The following NRG3 variants were observed in gnomAD, a reference collection of about 807,000 sequenced individuals.
NRG3 encodes the protein pro-neuregulin-3, membrane-bound isoform.
A neutral mutation model predicts 66.9 loss-of-function variants in NRG3; 31 were observed. That is an observed-to-expected ratio of 0.46 (90% confidence interval 0.35 to 0.63). The LOEUF (loss-of-function observed/expected upper bound fraction) is 0.63, where lower values mean the gene tolerates loss of function less well. NRG3 is among the 20% of genes least tolerant of loss of function. The pLI is 0.00. For synonymous variants in NRG3, 393 were observed against 359.4 expected (o/e 1.09, Z -1.06); for missense variants, 910 against 878.9 (o/e 1.04, Z -0.45).
At chr10:82,027,485 G>A (rs192273708) in intron 1 of NRG3, among the ~76,000 whole-genome samples, 93 of 152,080 alleles carry the variant, frequency 6.1e-4, no homozygotes, top group African/African-American at 9.2e-4. Flanking sequence ...AACTGAACTC[G>A]TCTTCAAAAA....
chr10:82,325,194 T>G (rs758315413), intron 1 of NRG3, among the ~76,000 whole-genome samples: 1 of 152,120 alleles, frequency 6.6e-6, no homozygotes, highest in Non-Finnish European at 1.5e-5. Context: ...CTTCCTTTTT[T>G]TTTTGGAGAC....
At chr10:81,895,386 A>T (rs1843422372) in intron 1 of NRG3, among the ~76,000 whole-genome samples, 1 of 152,156 alleles carries the variant, frequency 6.6e-6, no homozygotes, top group South Asian at 2.1e-4. Flanking sequence ...GCATACTCAG[A>T]TTATTGATCC....
chr10:82,571,463 C>T lies in NRG3; in HGVS notation c.954-167114C>T, dbSNP rs533554588. On this transcript the variant is annotated intron_variant, in intron 2 of 8. Transcript: ENST00000372141. ...TCACTATTTGGAGTGAAAAGTAGTA[C>T]AAAAATTTGGTGAATACATCAACAA... Among the ~76,000 whole-genome samples the T allele has an allele frequency of 5.9e-5, 9 of 151,562 alleles. No individual in the cohort carries two copies. The South Asian group carries it at 1.9e-3, about 31-fold the overall frequency.
intron 1 of NRG3, among the ~76,000 whole-genome samples, chr10:82,259,444 A>T (rs553517389): frequency 1.7e-4 from 26 of 152,276 alleles, no homozygotes; most frequent in African/African-American, 6.0e-4. Flanking sequence ...CCTTGAATTC[A>T]GGATGTTTAT....
At chr10:82,202,173 T>C (rs2074864928) in intron 1 of NRG3, among the ~76,000 whole-genome samples, 2 of 152,170 alleles carry the variant, frequency 1.3e-5, no homozygotes, top group South Asian at 4.1e-4. Flanking sequence ...TTCTGTCTCC[T>C]CCCAGAGCCA....
At chr10:82,949,257 T>G (rs1398637184) in intron 4 of NRG3, among the ~76,000 whole-genome samples, 1 of 152,120 alleles carries the variant, frequency 6.6e-6, no homozygotes. Context: ...ACTATACTTT[T>G]TATATATTGT....
In NRG3 at chr10:81,875,545, G is replaced by A. The variant is rs1380925534; in HGVS notation, c.205G>A (p.Val69Met). The A allele has an allele frequency of 1.9e-6, 3 of 1,612,816 alleles. No individual in the cohort carries two copies. Among genetic ancestry groups the A allele is most frequent in the African/African-American group, 2.7e-5 (2 of 74,892 alleles). The change falls in exon 1 of 9, where the codon GTG (valine) becomes ATG (methionine). Residue 69 changes from valine to methionine, a missense_variant. Val to Met is a conservative substitution (Grantham distance 21). Transcript: ENST00000372141. This position sits in a 1 kb window ranked among gnomAD's most constrained non-coding sequence, Gnocchi z 5.3. ...VWNRQQTWLC[V>M]VPLFIGFIGL... ...GAACCGGCAGCAGACGTGGCTGTGC[G>A]TGGTACCTCTGTTCATCGGCTTCAT...
intron 1 of NRG3, among the ~76,000 whole-genome samples, chr10:81,917,186 CTTAAA>C (rs1285605107): frequency 6.6e-6 from 1 of 152,130 alleles, no homozygotes; most frequent in Non-Finnish European, 1.5e-5. Flanking sequence ...ATTAAGTGTA[CTTAAA>C]TTAACTTATT....
At chr10:82,268,022 CTG>C (rs1480102888) in intron 1 of NRG3, among the ~76,000 whole-genome samples, 1 of 152,178 alleles carries the variant, frequency 6.6e-6, no homozygotes, top group Non-Finnish European at 1.5e-5. Flanking sequence ...ATAGCTAAAA[CTG>C]TTACATGAAT....
At chr10:82,944,923 A>C (rs1328586950) in intron 4 of NRG3, among the ~76,000 whole-genome samples, 1 of 152,210 alleles carries the variant, frequency 6.6e-6, no homozygotes, top group Non-Finnish European at 1.5e-5. Context: ...GGCTCTCTAC[A>C]TGTAGGTTTT....
intron 1 of NRG3, among the ~76,000 whole-genome samples, chr10:82,303,576 G>A (rs909554023): frequency 2.6e-5 from 4 of 152,032 alleles, no homozygotes; most frequent in South Asian, 2.1e-4. Flanking sequence ...GTATAAATGC[G>A]CTGGGTAAAT....
intron 2 of NRG3, among the ~76,000 whole-genome samples, chr10:82,661,859 A>G (rs942915757): frequency 1.3e-5 from 2 of 152,240 alleles, no homozygotes; most frequent in African/African-American, 4.8e-5. Flanking sequence ...CCAAATGAAT[A>G]CATTAAACAG....
intron 2 of NRG3, among the ~76,000 whole-genome samples, chr10:82,647,746 G>C (rs2133861624): frequency 6.6e-6 from 1 of 152,210 alleles, no homozygotes; most frequent in East Asian, 1.9e-4. Context: ...TGCATTTTTT[G>C]ATGGCCAGTG....
chr10:82,919,932 G>A (rs1278626955), intron 4 of NRG3, among the ~76,000 whole-genome samples: 1 of 150,540 alleles, frequency 6.6e-6, no homozygotes, highest in Non-Finnish European at 1.5e-5. Flanking sequence ...AAAAAAAAAA[G>A]CACAGATAGG....
chr10:82,179,150 C>A (rs1370892555), intron 1 of NRG3, among the ~76,000 whole-genome samples: 2 of 151,630 alleles, frequency 1.3e-5, no homozygotes, highest in Non-Finnish European at 2.9e-5. Context: ...AAGTGTTAAC[C>A]CTTTATCAGA....
At chr10:82,063,172 T>G (rs2133251900) in intron 1 of NRG3, among the ~76,000 whole-genome samples, 1 of 152,346 alleles carries the variant, frequency 6.6e-6, no homozygotes, top group Middle Eastern at 3.4e-3. Flanking sequence ...GGTTCTACAC[T>G]TATGATTCTT....
Position 82,959,080 on chromosome 10 carries a change from G to GTGACA in NRG3, c.1284+8_1284+12dup. 6.3e-7 allele frequency: 1 copy of GTGACA among 1,593,808 alleles called. No homozygotes were observed. Among genetic ancestry groups the GTGACA allele is most frequent in the Non-Finnish European group, 8.5e-7 (1 of 1,173,016 alleles). ...AGCCATGTCCAGCTGCAAAATGTAA[G>GTGACA]TGACATGTCTACACACCTCCTCCTA... On this transcript the variant is annotated splice_donor_region_variant and intron_variant, in intron 6 of 8. Transcript: ENST00000372141.
intron 1 of NRG3, among the ~76,000 whole-genome samples, chr10:82,336,518 T>TCTTTA (rs1228603597): frequency 1.9e-4 from 28 of 145,550 alleles, no homozygotes; most frequent in African/African-American, 7.5e-4. Context: ...TTTCTTTCTT[T>TCTTTA]CTTTTCTTTT....
chr10:82,789,361 T>C (rs1052517103), intron 3 of NRG3, among the ~76,000 whole-genome samples: 1 of 152,118 alleles, frequency 6.6e-6, no homozygotes, highest in African/African-American at 2.4e-5. Flanking sequence ...ATTATTAAAG[T>C]TGTAAGTGTT....
Sources: gnomAD v4.1 joint callset for allele counts (sites outside exome capture counted in the v4.1 genomes callset) on GRCh38, gnomAD v4.1.1 for gene constraint, Gnocchi (gnomAD v3.1) non-coding constraint, MANE v1.5 for transcripts, NCBI Gene and HGNC (gene_info 2026-07-23, HGNC 2026-07-21) for gene names.